PHEX: variants seen among roughly 807,000 people sequenced by gnomAD.
PHEX encodes phosphate regulating endopeptidase X-linked, also known as phosphate-regulating neutral endopeptidase PHEX.
In PHEX, 16 loss-of-function variants were observed where a neutral mutation model predicts 68.0. The ratio of observed to expected loss-of-function variants is 0.24; its 90% CI spans 0.16 to 0.36. PHEX has a LOEUF of 0.36. PHEX is among the 10% of genes least tolerant of loss of function. PHEX has a pLI of 1.00. For synonymous variants in PHEX, 208 were observed against 205.1 expected (o/e 1.01, Z -0.12); for missense variants, 480 against 575.5 (o/e 0.83, Z 1.70).
chrX:22,092,749 C>CTTTT (rs370527485), intron 6 of PHEX, among the ~76,000 whole-genome samples: 3,956 of 77,555 alleles, frequency 0.051, 268 homozygotes, highest in African/African-American at 0.14. Context: ...TTCTTTCTTT[C>CTTTT]TTTTTTTTTT....
At chrX:22,046,563 C>CTTT (rs529373663) in intron 2 of PHEX, among the ~76,000 whole-genome samples, 3 of 77,013 alleles carry the variant, frequency 3.9e-5, no homozygotes, top group African/African-American at 9.6e-5. Context: ...TATCCATTCC[C>CTTT]TTTTTTTTTT....
chrX:22,106,449 C>T (rs1341317624), intron 9 of PHEX, among the ~76,000 whole-genome samples: 3 of 111,644 alleles, frequency 2.7e-5, no homozygotes, highest in African/African-American at 9.8e-5. Flanking sequence ...TTTGGGGTCT[C>T]TGTGACTGGC....
chrX:22,145,563 C>T (rs1316323996), intron 12 of PHEX, among the ~76,000 whole-genome samples: 1 of 108,000 alleles, frequency 9.3e-6, no homozygotes, highest in African/African-American at 3.4e-5. Context: ...TTGCAGTGAG[C>T]CAAGATCATG....
At chrX:22,185,938 TACA>T (rs2147134801) in intron 14 of PHEX, among the ~76,000 whole-genome samples, 1 of 110,502 alleles carries the variant, frequency 9.0e-6, no homozygotes, top group Admixed American at 9.6e-5. Context: ...GTAGTTTTAG[TACA>T]GACAGCATTT....
At chrX:22,110,751 A>G (rs896598750) in intron 9 of PHEX, among the ~76,000 whole-genome samples, 1 of 111,825 alleles carries the variant, frequency 8.9e-6, no homozygotes, top group Non-Finnish European at 1.9e-5. Flanking sequence ...GAATTGAACA[A>G]TGAGAACACT....
intron 16 of PHEX, among the ~76,000 whole-genome samples, chrX:22,215,502 G>T (rs1935058145): frequency 9.0e-6 from 1 of 111,453 alleles, no homozygotes; most frequent in Non-Finnish European, 1.9e-5. Flanking sequence ...ATTGTTTCCA[G>T]AAGAGAGAAT....
chrX:22,036,052 ATATTTTTT>A (rs1374877687), intron 1 of PHEX, among the ~76,000 whole-genome samples: 30 of 58,397 alleles, frequency 5.1e-4, no homozygotes, highest in African/African-American at 2.3e-3. Flanking sequence ...ATATATATAT[ATATTTTTT>A]TTTTTTTTTT....
chrX:22,078,474 A>T (rs1182491685), intron 5 of PHEX, among the ~76,000 whole-genome samples: 1 of 112,235 alleles, frequency 8.9e-6, no homozygotes, highest in Non-Finnish European at 1.9e-5. Flanking sequence ...TTATTGCATG[A>T]CTGATTTTCT....
chrX:22,186,518 G>A (rs1198525368), intron 14 of PHEX, among the ~76,000 whole-genome samples: 1 of 112,514 alleles, frequency 8.9e-6, no homozygotes, highest in East Asian at 2.8e-4. Context: ...AATAAACTTG[G>A]ATGTAATACG....
intron 9 of PHEX, among the ~76,000 whole-genome samples, chrX:22,109,371 T>C (rs774721561): frequency 2.5e-4 from 28 of 112,668 alleles, no homozygotes; most frequent in Non-Finnish European, 4.7e-4. Flanking sequence ...TTAATGACTT[T>C]TGAAGATTTT....
chrX:22,079,616 G>C (rs1323832917), intron 5 of PHEX, among the ~76,000 whole-genome samples: 2 of 109,658 alleles, frequency 1.8e-5, no homozygotes, highest in Non-Finnish European at 3.8e-5. Flanking sequence ...AAAAACAGTT[G>C]GTCTTTGATT....
intron 3 of PHEX, among the ~76,000 whole-genome samples, chrX:22,073,398 G>A (rs1017379761): frequency 1.8e-5 from 2 of 111,814 alleles, no homozygotes; most frequent in African/African-American, 6.5e-5. Flanking sequence ...GGCTTAGAGG[G>A]ATTAAATAAC....
chrX:22,245,912 G>C (rs986798049), intron 21 of PHEX, among the ~76,000 whole-genome samples: 7 of 111,810 alleles, frequency 6.3e-5, no homozygotes, highest in African/African-American at 2.3e-4. Context: ...TTGTTTTAAA[G>C]AATATCCCCT....
intron 3 of PHEX, among the ~76,000 whole-genome samples, chrX:22,068,389 C>T (rs1928712097): frequency 8.9e-6 from 1 of 111,839 alleles, no homozygotes; most frequent in Admixed American, 9.5e-5. Context: ...ATGATGTAAC[C>T]AGGGAAGGTC....
chrX:22,157,697 TG>T (rs1433210092), intron 12 of PHEX, among the ~76,000 whole-genome samples: 1 of 112,428 alleles, frequency 8.9e-6, no homozygotes, highest in Non-Finnish European at 1.9e-5. Flanking sequence ...GGAGAGAGCA[TG>T]GATGGTGCTT....
At chrX:22,234,822 A>AAAAAAAAAACC (rs1170301993) in intron 20 of PHEX, among the ~76,000 whole-genome samples, 1 of 106,808 alleles carries the variant, frequency 9.4e-6, no homozygotes, top group Admixed American at 9.8e-5. Context: ...GGGTATCAAA[A>AAAAAAAAAACC]AAAAAAAAAA....
intron 11 of PHEX, among the ~76,000 whole-genome samples, chrX:22,131,346 T>C (rs1215182212): frequency 8.9e-6 from 1 of 112,762 alleles, no homozygotes; most frequent in African/African-American, 3.2e-5. Context: ...CAGCTCTCAG[T>C]ATTTTTTAAA....
chrX:22,177,070 C>T (rs1933733407), intron 13 of PHEX, among the ~76,000 whole-genome samples: 1 of 111,009 alleles, frequency 9.0e-6, no homozygotes, highest in Non-Finnish European at 1.9e-5. Flanking sequence ...GGCTTGGTCT[C>T]CTGGAAAGAT....
intron 15 of PHEX, among the ~76,000 whole-genome samples, chrX:22,206,615 G>T (rs1178618132): frequency 9.0e-6 from 1 of 110,946 alleles, no homozygotes; most frequent in African/African-American, 3.3e-5. Context: ...TAGGGAAGGG[G>T]TTAATGAAAA....
Sources: allele counts gnomAD v4.1 joint callset (sites outside exome capture counted in the v4.1 genomes callset), GRCh38; gene constraint gnomAD v4.1.1; transcripts MANE v1.5; gene names NCBI Gene and HGNC (gene_info 2026-07-23, HGNC 2026-07-21).